SP4: variants seen among roughly 807,000 people sequenced by gnomAD.
SP4 encodes transcription factor Sp4.
In SP4, 19 loss-of-function variants were observed where a neutral mutation model predicts 72.8. The observed-to-expected ratio is 0.26, with a 90% confidence interval of 0.18 to 0.38. The LOEUF (loss-of-function observed/expected upper bound fraction) is 0.38. Among genes scored for constraint, SP4 ranks in the 10% least tolerant of loss-of-function variants. The pLI is 1.00. For synonymous variants in SP4, 395 were observed against 333.1 expected (o/e 1.19, Z -2.02); for missense variants, 1,008 against 926.3 (o/e 1.09, Z -1.14).
chr7:21,434,251 A>G (rs1423329073), intron 3 of SP4, among the ~76,000 whole-genome samples: 1 of 152,134 alleles, frequency 6.6e-6, no homozygotes, highest in Non-Finnish European at 1.5e-5. Flanking sequence ...ATGAGCTAAA[A>G]CTCTCCACCA....
intron 5 of SP4, 76 bp downstream of exon 5, chr7:21,482,199 T>A: frequency 8.6e-7 from 1 of 1,162,328 alleles, no homozygotes; most frequent in Non-Finnish European, 1.3e-6. Context: ...ATAGTTTAGC[T>A]ATCAAATTGG....
intron 3 of SP4, among the ~76,000 whole-genome samples, chr7:21,457,216 A>G (rs951985236): frequency 5.3e-5 from 8 of 152,314 alleles, no homozygotes; most frequent in South Asian, 2.1e-4. Context: ...ATAAAGAATA[A>G]TCTGGTCCCT....
At chr7:21,506,136 A>G (rs1781992893) in intron 5 of SP4, among the ~76,000 whole-genome samples, 1 of 152,178 alleles carries the variant, frequency 6.6e-6, no homozygotes, top group Non-Finnish European at 1.5e-5. Context: ...CTCCTGATGT[A>G]ATTAAAATTT....
At chr7:21,434,208 C>T (rs1309920890) in intron 3 of SP4, among the ~76,000 whole-genome samples, 1 of 152,128 alleles carries the variant, frequency 6.6e-6, no homozygotes, top group Non-Finnish European at 1.5e-5. Flanking sequence ...AAATTAGTAG[C>T]TTTGACGGAA....
intron 5 of SP4, among the ~76,000 whole-genome samples, chr7:21,487,397 T>C (rs190535888): frequency 2.0e-5 from 3 of 146,750 alleles, no homozygotes; most frequent in Admixed American, 6.9e-5. Flanking sequence ...AGACATATTT[T>C]GGAATCTCTA....
At chr7:21,438,742 G>A (rs900479312) in intron 3 of SP4, among the ~76,000 whole-genome samples, 2 of 152,150 alleles carry the variant, frequency 1.3e-5, no homozygotes, top group Non-Finnish European at 2.9e-5. Flanking sequence ...GCCTTTCTGA[G>A]TAGTGTGGTG....
Position 21,429,649 on chromosome 7 carries a change from A to G in SP4, c.484A>G (p.Ser162Gly). 6.2e-7 allele frequency: 1 copy of G among 1,614,060 alleles called. No homozygotes were observed. The highest frequency in any genetic ancestry group is 8.5e-7 in the Non-Finnish European group (1 of 1,179,896). ...QVIQVQNPSG[S>G]VQYQVIPQLQ... ...CATACAAGTACAAAATCCAAGTGGT[A>G]GTGTACAGTACCAAGTAATTCCACA... The change falls in exon 3 of 6, where the codon AGT becomes GGT. Residue 162 changes from serine to glycine, a missense_variant. Transcript: ENST00000222584.
intron 3 of SP4, among the ~76,000 whole-genome samples, chr7:21,470,027 A>C (rs540142560): frequency 3.9e-5 from 6 of 152,198 alleles, no homozygotes; most frequent in Non-Finnish European, 8.8e-5. Context: ...TCTGACTGCC[A>C]TATCAGTGAG....
intron 3 of SP4, among the ~76,000 whole-genome samples, chr7:21,462,844 G>A (rs569973118): frequency 6.6e-6 from 1 of 152,196 alleles, no homozygotes; most frequent in Non-Finnish European, 1.5e-5. Context: ...GGTATTGAAT[G>A]TTGACTTGAG....
chr7:21,430,224 T>G lies in SP4; in HGVS notation c.1059T>G (p.Ser353Arg). The G allele has an allele frequency of 6.2e-7, 1 of 1,614,138 alleles. No individual in the cohort carries two copies. Among genetic ancestry groups the G allele is most frequent in the Non-Finnish European group, 8.5e-7 (1 of 1,179,984 alleles). Reference protein sequence around the residue: ...DTGQYASTSASSSERTIEESQ... With the variant: ...DTGQYASTSARSSERTIEESQ... ...GCCAGTATGCAAGCACATCAGCCAG[T>G]AGTTCTGAACGCACCATTGAAGAAT... The change falls in exon 3 of 6, where the codon AGT (serine) becomes AGG (arginine). Residue 353 changes from serine to arginine, a missense_variant. Ser to Arg is a moderately radical substitution (Grantham distance 110). Coordinates refer to ENST00000222584, the MANE Select transcript of SP4 (RefSeq NM_003112.5).
chr7:21,437,410 G>C (rs975398747), intron 3 of SP4, among the ~76,000 whole-genome samples: 1 of 152,120 alleles, frequency 6.6e-6, no homozygotes, highest in African/African-American at 2.4e-5. Context: ...CTCATAGCTG[G>C]TTGCACAATT....
chr7:21,467,912 T>G (rs1461252977), intron 3 of SP4, among the ~76,000 whole-genome samples: 1 of 152,154 alleles, frequency 6.6e-6, no homozygotes, highest in East Asian at 1.9e-4. Flanking sequence ...AAGAAACACA[T>G]GTACTTTGAA....
intron 3 of SP4, among the ~76,000 whole-genome samples, chr7:21,439,555 C>G (rs1158526402): frequency 6.6e-6 from 1 of 151,204 alleles, no homozygotes; most frequent in East Asian, 1.9e-4. Context: ...GCAGTAGTCC[C>G]TTTCTTCATG....
At chr7:21,480,174 G>T (rs1180312005) in intron 4 of SP4, among the ~76,000 whole-genome samples, 1 of 152,076 alleles carries the variant, frequency 6.6e-6, no homozygotes, top group Admixed American at 6.6e-5. Context: ...CTTGTATTTT[G>T]TTGAGGATTT....
At chr7:21,482,170 T>C (rs202091091) in intron 5 of SP4, 47 bp downstream of exon 5, 22 of 1,479,698 alleles carry the variant, frequency 1.5e-5, no homozygotes, top group Non-Finnish European at 2.1e-5. Flanking sequence ...TCTTCAGTTT[T>C]TACATGAAAA....
intron 5 of SP4, among the ~76,000 whole-genome samples, chr7:21,493,759 A>G (rs1785038117): frequency 6.6e-6 from 1 of 152,198 alleles, no homozygotes. Context: ...AAATTCTACC[A>G]TTTAAGGAAT....
chr7:21,490,487 T>G (rs1040608374), intron 5 of SP4, among the ~76,000 whole-genome samples: 1 of 152,156 alleles, frequency 6.6e-6, no homozygotes, highest in South Asian at 2.1e-4. Flanking sequence ...ATCAACATCA[T>G]TTTTCTGTCT....
intron 3 of SP4, among the ~76,000 whole-genome samples, chr7:21,467,354 CTTTA>C (rs548873729): frequency 2.0e-5 from 3 of 151,892 alleles, no homozygotes; most frequent in Admixed American, 6.6e-5. Context: ...AAAAAAACAA[CTTTA>C]TTTATATATA....
chr7:21,451,415 C>G (rs569759043), intron 3 of SP4, among the ~76,000 whole-genome samples: 37 of 152,260 alleles, frequency 2.4e-4, no homozygotes, highest in South Asian at 2.3e-3. Flanking sequence ...CTGTCCTGCT[C>G]ACATCTGACT....
Sources: allele counts gnomAD v4.1 joint callset (sites outside exome capture counted in the v4.1 genomes callset), GRCh38; gene constraint gnomAD v4.1.1; transcripts MANE v1.5; gene names NCBI Gene and HGNC (gene_info 2026-07-23, HGNC 2026-07-21).